Variants in MECOM observed in about 807,000 individuals in gnomAD.
MECOM encodes the protein histone-lysine N-methyltransferase MECOM.
Under a neutral mutation model 116.3 loss-of-function variants are expected in MECOM, and 13 were observed. That is an observed-to-expected ratio of 0.11 (90% CI 0.07 to 0.18). The LOEUF (loss-of-function observed/expected upper bound fraction) is 0.18, where lower values mean the gene tolerates loss of function less well. Among genes scored for constraint, MECOM ranks in the 10% least tolerant of loss-of-function variants. The pLI, the probability that MECOM is intolerant of heterozygous loss-of-function variation, is 1.00. For synonymous variants in MECOM, 528 were observed against 535.2 expected (o/e 0.99, Z 0.19); for missense variants, 1,299 against 1,509.0 (o/e 0.86, Z 2.31).
At chr3:169,199,206 G>A (rs543214221) in intron 2 of MECOM, among the ~76,000 whole-genome samples, 2 of 152,172 alleles carry the variant, frequency 1.3e-5, no homozygotes, top group South Asian at 4.1e-4. Context: ...CCTACATTAA[G>A]TAGGAGACTG....
chr3:169,598,789 A>G (rs1391936764), intron 1 of MECOM, among the ~76,000 whole-genome samples: 1 of 152,220 alleles, frequency 6.6e-6, no homozygotes, highest in African/African-American at 2.4e-5. Flanking sequence ...GCTAGCAAAG[A>G]GAAGGGTCTT....
chr3:169,410,786 C>G (rs1578014592), intron 1 of MECOM, among the ~76,000 whole-genome samples: 1 of 151,896 alleles, frequency 6.6e-6, no homozygotes, highest in East Asian at 1.9e-4. Context: ...TTAGATTTCT[C>G]TAAATGTTTT....
At chr3:169,508,394 T>C (rs1030440957) in intron 1 of MECOM, among the ~76,000 whole-genome samples, 1 of 150,456 alleles carries the variant, frequency 6.6e-6, no homozygotes, top group Admixed American at 6.6e-5. Context: ...TTTGCTTCTA[T>C]AGAAAGGTGG....
intron 1 of MECOM, among the ~76,000 whole-genome samples, chr3:169,418,472 C>T (rs560786814): frequency 5.3e-5 from 8 of 152,238 alleles, no homozygotes; most frequent in South Asian, 4.1e-4. Flanking sequence ...GCCAATATCC[C>T]GGATGAACAT....
chr3:169,566,085 C>CTCT (rs1315108172), intron 1 of MECOM: 2 of 343,270 alleles, frequency 5.8e-6, no homozygotes, highest in African/African-American at 4.5e-5. Flanking sequence ...AGAGGAACTG[C>CTCT]CAAATACTTG....
At chr3:169,614,085 T>C (rs11920479) in intron 1 of MECOM, among the ~76,000 whole-genome samples, 1,481 of 146,084 alleles carry the variant, frequency 0.01, 22 homozygotes, top group African/African-American at 0.034. Flanking sequence ...CCTTCTCCTC[T>C]CCTCTCTTTT....
intron 2 of MECOM, among the ~76,000 whole-genome samples, chr3:169,361,602 G>A (rs910677198): frequency 6.6e-6 from 1 of 151,750 alleles, no homozygotes; most frequent in Non-Finnish European, 1.5e-5. Context: ...AATTCTATGA[G>A]GTAGATCCTA....
At chr3:169,153,600 T>G (rs1741496335) in intron 2 of MECOM, among the ~76,000 whole-genome samples, 1 of 152,184 alleles carries the variant, frequency 6.6e-6, no homozygotes, top group South Asian at 2.1e-4. Flanking sequence ...ATGCAATAAC[T>G]CCAGGATCAG....
chr3:169,655,569 G>A (rs1393645444), intron 1 of MECOM, among the ~76,000 whole-genome samples: 1 of 152,190 alleles, frequency 6.6e-6, no homozygotes, highest in African/African-American at 2.4e-5. Flanking sequence ...CCCTCACCCC[G>A]ACTCCAAATA....
intron 1 of MECOM, among the ~76,000 whole-genome samples, chr3:169,538,722 G>A (rs1407974955): frequency 6.6e-6 from 1 of 152,154 alleles, no homozygotes; most frequent in East Asian, 1.9e-4. Flanking sequence ...GGATTCTCTT[G>A]TAATGTTGAA....
chr3:169,400,236 G>C (rs1735663640), intron 1 of MECOM, among the ~76,000 whole-genome samples: 1 of 152,062 alleles, frequency 6.6e-6, no homozygotes, highest in African/African-American at 2.4e-5. Flanking sequence ...TGTGGGTTTG[G>C]TACTTGGCTA....
At chr3:169,548,291 C>G (rs1760971143) in intron 1 of MECOM, among the ~76,000 whole-genome samples, 2 of 152,140 alleles carry the variant, frequency 1.3e-5, no homozygotes, top group Non-Finnish European at 2.9e-5. Context: ...ACCTTTTTCT[C>G]TATTTACTTA....
intron 10 of MECOM, among the ~76,000 whole-genome samples, chr3:169,107,193 A>G (rs1725717720): frequency 6.6e-6 from 1 of 152,192 alleles, no homozygotes; most frequent in South Asian, 2.1e-4. Context: ...AGAAACAAAA[A>G]CACATATACT....
At chr3:169,417,219 G>A (rs1484269768) in intron 1 of MECOM, among the ~76,000 whole-genome samples, 12 of 150,296 alleles carry the variant, frequency 8.0e-5, no homozygotes, top group African/African-American at 2.9e-4. Context: ...CTGACAAAGG[G>A]CTAATATCCA....
intron 1 of MECOM, among the ~76,000 whole-genome samples, chr3:169,603,079 T>C (rs1342044778): frequency 6.6e-6 from 1 of 152,180 alleles, no homozygotes; most frequent in Non-Finnish European, 1.5e-5. Context: ...TAACAAATTA[T>C]ATACAGTCAC....
At chr3:169,422,045 A>G (rs1739858165) in intron 1 of MECOM, among the ~76,000 whole-genome samples, 1 of 152,102 alleles carries the variant, frequency 6.6e-6, no homozygotes, top group African/African-American at 2.4e-5. Flanking sequence ...ACAAATAACA[A>G]TTGTAAGTTT....
intron 1 of MECOM, among the ~76,000 whole-genome samples, chr3:169,488,814 C>T (rs1044961149): frequency 2.0e-5 from 3 of 150,902 alleles, no homozygotes; most frequent in Non-Finnish European, 4.4e-5. Context: ...AGCAGCTAAA[C>T]CAATATTAGA....
At chr3:169,357,280 C>T (rs79164311) in intron 2 of MECOM, among the ~76,000 whole-genome samples, 2,963 of 151,818 alleles carry the variant, frequency 0.02, 94 homozygotes, top group African/African-American at 0.068. Context: ...GCAATTTTAT[C>T]CTCAAAACTG....
At chr3:169,323,446 C>T (rs983475614) in intron 2 of MECOM, among the ~76,000 whole-genome samples, 4 of 152,212 alleles carry the variant, frequency 2.6e-5, no homozygotes, top group East Asian at 1.9e-4. Flanking sequence ...CATGGAAGCA[C>T]GTAGGCATTT....
Sources: gnomAD v4.1 joint callset for allele counts (sites outside exome capture counted in the v4.1 genomes callset) on GRCh38, gnomAD v4.1.1 for gene constraint, MANE v1.5 for transcripts, NCBI Gene and HGNC (gene_info 2026-07-23, HGNC 2026-07-21) for gene names.